The following SNX2 variants were observed in gnomAD, a reference collection of about 807,000 sequenced individuals.
The protein encoded by SNX2 is sorting nexin-2.
In SNX2, 25 loss-of-function variants were observed where a neutral mutation model predicts 69.9. The observed-to-expected ratio is 0.36, with a 90% CI of 0.26 to 0.50. SNX2 has a LOEUF of 0.50. Among genes scored for constraint, SNX2 ranks in the 20% least tolerant of loss-of-function variants. The probability of loss-of-function intolerance (pLI) is 0.97; values close to 1 mark genes in which losing one functional copy is unlikely to be tolerated. For synonymous variants in SNX2, 229 were observed against 200.4 expected (o/e 1.14, Z -1.20); for missense variants, 551 against 613.3 (o/e 0.90, Z 1.07).
Position 122,816,851 on chromosome 5 carries a change from G to T in SNX2, c.799-64G>T, listed in dbSNP as rs1753910885. 5.8e-6 allele frequency: 5 copies of T among 865,538 alleles called. No homozygotes were observed. In the South Asian group the frequency reaches 7.5e-5, roughly 13 times the overall value. 53.6% of individuals were successfully genotyped at this position (865,538 alleles called of 1,614,324 possible). The stretch of plus-strand genomic sequence containing the variant: ...GGGGGGAGGAGGGGGGATCACTTTT[G>T]TGCCTAGTTAAACCTCCAGGCTTTT... On this transcript the variant is annotated intron_variant, in intron 8 of 14. Coordinates refer to ENST00000379516, the MANE Select transcript of SNX2 (RefSeq NM_003100.4).
chr5:122,805,668 C>T (rs549881507), intron 6 of SNX2, among the ~76,000 whole-genome samples: 12 of 151,924 alleles, frequency 7.9e-5, no homozygotes, highest in South Asian at 6.2e-4. Flanking sequence ...TCTATAGGGA[C>T]GGTTCAATCC....
At chr5:122,813,767 C>CTTTTTTTTTTTTTT (rs546503535) in intron 7 of SNX2, among the ~76,000 whole-genome samples, 1 of 115,364 alleles carries the variant, frequency 8.7e-6, no homozygotes, top group Non-Finnish European at 1.7e-5. Context: ...AGAATATTTC[C>CTTTTTTTTTTTTTT]TTTTTTTTTT....
chr5:122,789,482 C>G (rs1386568228), intron 1 of SNX2, among the ~76,000 whole-genome samples: 6 of 101,868 alleles, frequency 5.9e-5, no homozygotes, highest in African/African-American at 2.7e-4. Flanking sequence ...CGGACACACA[C>G]ACACACACAC....
intron 6 of SNX2, among the ~76,000 whole-genome samples, chr5:122,806,142 G>GCGCACGCACACACACACACACACA: frequency 0.016 from 2,035 of 130,556 alleles, 25 homozygotes; most frequent in African/African-American, 0.029. Context: ...ACACGCGCGC[G>GCGCACGCACACACACACACACACA]CACACACACA....
chr5:122,813,245 T>G (rs1374598669), intron 7 of SNX2, among the ~76,000 whole-genome samples: 1 of 152,178 alleles, frequency 6.6e-6, no homozygotes, highest in Non-Finnish European at 1.5e-5. Flanking sequence ...AAAATCCATT[T>G]TATGTTTCTG....
chr5:122,824,320 A>T (rs1252311176), intron 11 of SNX2, among the ~76,000 whole-genome samples: 1 of 151,912 alleles, frequency 6.6e-6, no homozygotes, highest in East Asian at 1.9e-4. Flanking sequence ...TTCTTCTTCC[A>T]TTGTGGCCCA....
At chr5:122,784,923 T>A (rs1753049419) in intron 1 of SNX2, among the ~76,000 whole-genome samples, 1 of 152,240 alleles carries the variant, frequency 6.6e-6, no homozygotes, top group African/African-American at 2.4e-5. Flanking sequence ...CAGGACTGCT[T>A]CATGGTGAAC....
intron 7 of SNX2, among the ~76,000 whole-genome samples, chr5:122,810,216 G>C (rs1044547810): frequency 1.3e-5 from 2 of 150,876 alleles, no homozygotes; most frequent in East Asian, 3.9e-4. Flanking sequence ...TGCTCGTTAA[G>C]AGTCATCACC....
At chr5:122,788,091 C>A (rs982039637) in intron 1 of SNX2, among the ~76,000 whole-genome samples, 7 of 152,068 alleles carry the variant, frequency 4.6e-5, no homozygotes, top group African/African-American at 1.7e-4. Flanking sequence ...GATGAATATT[C>A]TTAATTTGTA....
intron 1 of SNX2, among the ~76,000 whole-genome samples, chr5:122,786,133 A>T (rs182034622): frequency 5.9e-5 from 9 of 152,174 alleles, no homozygotes; most frequent in African/African-American, 1.9e-4. Flanking sequence ...ATTGATGATA[A>T]TATTTCTTAT....
In SNX2 at chr5:122,818,960, T is replaced by G; in HGVS notation, c.1149T>G (p.Phe383Leu). Residue 383 changes from phenylalanine to leucine, a missense_variant, in exon 11 of 15, where the codon TTT becomes TTG. This residue lies in a region of SNX2 where 360 missense variants were observed against 450.4 expected (regional missense o/e 0.80). Transcript: ENST00000379516. ...KIDQLHQEQA[F>L]ADFYMFSELL... is the part of the protein sequence containing the mutation. ...ACCAGTTACATCAAGAACAAGCTTT[T>G]GCTGACTTTTATATGTTTTCAGAAC... The G allele has an allele frequency of 6.2e-7, 1 of 1,613,988 alleles. No homozygotes were observed. Among genetic ancestry groups the G allele is most frequent in the Non-Finnish European group, 8.5e-7 (1 of 1,179,912 alleles).
chr5:122,781,941 T>C (rs2150000187), intron 1 of SNX2, among the ~76,000 whole-genome samples: 1 of 152,298 alleles, frequency 6.6e-6, no homozygotes, highest in Non-Finnish European at 1.5e-5. Flanking sequence ...CTATTACCTA[T>C]GCTCTTGAGA....
At chr5:122,775,871 TTGTG>T (rs773699646) in intron 1 of SNX2, 7 of 709,400 alleles carry the variant, frequency 9.9e-6, no homozygotes, top group South Asian at 6.3e-5. Flanking sequence ...GAAACTGCTG[TTGTG>T]TGTGTGTGTG....
chr5:122,829,609 C>T lies in SNX2; in HGVS notation c.1521C>T (p.Tyr507=), dbSNP rs1215522842. The T allele has an allele frequency of 3.7e-6, 6 of 1,612,494 alleles. No individual in the cohort carries two copies. The highest frequency in any genetic ancestry group is 4.2e-6 in the Non-Finnish European group (5 of 1,178,660). The part of the protein sequence containing the change: ...LVQTQQQLIK[Y]WEAFLPEAKA... ...ATTATCATTCACAGCTGATAAAATA[C>T]TGGGAAGCATTCCTACCTGAAGCCA... The change falls in exon 15 of 15, where the codon TAC becomes TAT. Residue 507 remains tyrosine, a synonymous_variant. Coordinates refer to ENST00000379516, the MANE Select transcript of SNX2 (RefSeq NM_003100.4).
At chr5:122,797,189 A>G (rs553619251) in intron 2 of SNX2, among the ~76,000 whole-genome samples, 2 of 152,350 alleles carry the variant, frequency 1.3e-5, no homozygotes, top group South Asian at 4.1e-4. Context: ...GGGTCTCCCA[A>G]AGTATTGGGA....
intron 6 of SNX2, among the ~76,000 whole-genome samples, chr5:122,804,107 A>G (rs1424901069): frequency 1.3e-5 from 2 of 151,416 alleles, no homozygotes; most frequent in Non-Finnish European, 2.9e-5. Flanking sequence ...CCTGGGCAAC[A>G]GAGTGAGACT....
chr5:122,787,036 A>G (rs1054413079), intron 1 of SNX2, among the ~76,000 whole-genome samples: 9 of 152,346 alleles, frequency 5.9e-5, no homozygotes, highest in Admixed American at 5.9e-4. Flanking sequence ...AGTTCTGATC[A>G]TGAAGAACCT....
intron 6 of SNX2, among the ~76,000 whole-genome samples, chr5:122,806,026 C>T (rs1048837605): frequency 1.3e-4 from 19 of 151,822 alleles, no homozygotes; most frequent in African/African-American, 2.2e-4. Flanking sequence ...ATGATTCGCC[C>T]GTCTCAGCCT....
chr5:122,802,156 G>A (rs1457147793), intron 5 of SNX2, 32 bp downstream of exon 5: 8 of 1,584,528 alleles, frequency 5.0e-6, no homozygotes, highest in African/African-American at 1.3e-5. Context: ...AAAAACTATC[G>A]AGCCCTCATT....
Sources: gnomAD v4.1 joint callset for allele counts (sites outside exome capture counted in the v4.1 genomes callset) on GRCh38, gnomAD v4.1.1 for gene constraint, gnomAD v4.1.1 regional missense constraint, MANE v1.5 for transcripts, NCBI Gene and HGNC (gene_info 2026-07-23, HGNC 2026-07-21) for gene names.